CNTNAP5: variants seen among roughly 807,000 people sequenced by gnomAD.
CNTNAP5 encodes contactin-associated protein-like 5.
A neutral mutation model predicts 150.2 loss-of-function variants in CNTNAP5; 72 were observed. That is an observed-to-expected ratio of 0.48 (90% confidence interval 0.40 to 0.58). The LOEUF (loss-of-function observed/expected upper bound fraction) is 0.58, where lower values mean the gene tolerates loss of function less well. CNTNAP5 is among the 20% of genes least tolerant of loss of function. The pLI is 0.00. For missense variants in CNTNAP5, 1,636 were observed against 1,626.2 expected (o/e 1.01, Z -0.10); for synonymous variants, 672 against 619.8 (o/e 1.08, Z -1.25).
chr2:124,703,334 T>C (rs1007799836), intron 13 of CNTNAP5, among the ~76,000 whole-genome samples: 6 of 151,702 alleles, frequency 4.0e-5, no homozygotes, highest in African/African-American at 1.5e-4. Context: ...TATTTCTGGA[T>C]GTATCATAGC....
At position 124,047,008 on chromosome 2, in the gene CNTNAP5, C is replaced by T. The variant is rs140192358; in HGVS notation, c.82+21276C>T. Among the ~76,000 whole-genome samples, 9 of 152,196 alleles carry T rather than the reference C, an allele frequency of 5.9e-5. No individual in the cohort carries two copies. The South Asian group carries it at 1.0e-3, about 18-fold the overall frequency. Reference sequence around the variant, plus strand: ...AATTCCTAGAACAGCTTTGAGAGAGCGGCTTGTTCAAATGATCCATCTTAA... The same window carrying T: ...AATTCCTAGAACAGCTTTGAGAGAGTGGCTTGTTCAAATGATCCATCTTAA... On this transcript the variant is annotated intron_variant, in intron 1 of 23. Transcript: ENST00000682447.
intron 3 of CNTNAP5, among the ~76,000 whole-genome samples, chr2:124,345,700 G>A (rs1689721058): frequency 6.6e-6 from 1 of 152,090 alleles, no homozygotes; most frequent in Non-Finnish European, 1.5e-5. Flanking sequence ...TTGGAATAGA[G>A]AAGAAGAGAA....
intron 3 of CNTNAP5, among the ~76,000 whole-genome samples, chr2:124,399,718 T>C (rs1293861649): frequency 6.6e-6 from 1 of 152,172 alleles, no homozygotes; most frequent in Non-Finnish European, 1.5e-5. Flanking sequence ...CTTTCTGCGG[T>C]ATGGAATGGC....
chr2:124,604,479 G>T (rs1697057618), intron 11 of CNTNAP5, among the ~76,000 whole-genome samples: 1 of 152,026 alleles, frequency 6.6e-6, no homozygotes, highest in African/African-American at 2.4e-5. Flanking sequence ...TTACTTTGGG[G>T]CACCCTAGGG....
Position 124,408,020 on chromosome 2 carries a change from G to A in CNTNAP5, c.382-9423G>A, listed in dbSNP as rs190123136. ...CCAGACAGTGGGCGCAGGTCAGTGG[G>A]TGCGCGCACCGTACGCCAGCCGAAG... is the stretch of plus-strand genomic sequence containing the variant. On this transcript the variant is annotated intron_variant, in intron 3 of 23. Coordinates refer to ENST00000682447, the MANE Select transcript of CNTNAP5 (RefSeq NM_001367498.1). 9.7e-3 allele frequency among the ~76,000 whole-genome samples: 1,477 copies of A among 152,302 alleles called. 22 individuals are homozygous for A. Among genetic ancestry groups the A allele is most frequent in the African/African-American group, 0.034 (1,396 of 41,582 alleles).
intron 13 of CNTNAP5, among the ~76,000 whole-genome samples, chr2:124,712,242 A>G (rs776541001): frequency 7.9e-5 from 12 of 152,184 alleles, no homozygotes; most frequent in Non-Finnish European, 1.3e-4. Context: ...CATAATAATA[A>G]CTACAAATAA....
intron 19 of CNTNAP5, among the ~76,000 whole-genome samples, chr2:124,805,982 T>A (rs1004761370): frequency 1.3e-5 from 2 of 152,196 alleles, no homozygotes; most frequent in Middle Eastern, 3.2e-3. Context: ...CCTTTCCGAA[T>A]ACAGCCACAC....
intron 1 of CNTNAP5, among the ~76,000 whole-genome samples, chr2:124,159,341 G>A (rs1001286767): frequency 1.3e-5 from 2 of 152,140 alleles, no homozygotes; most frequent in Non-Finnish European, 2.9e-5. Flanking sequence ...GGCTTTGCAA[G>A]CCATATGGTG....
chr2:124,311,528 C>G (rs1688831660), intron 3 of CNTNAP5, among the ~76,000 whole-genome samples: 1 of 152,168 alleles, frequency 6.6e-6, no homozygotes, highest in African/African-American at 2.4e-5. Context: ...TACTAGGTCT[C>G]CACCCTTAAT....
At chr2:124,272,041 T>C (rs1010745507) in intron 3 of CNTNAP5, among the ~76,000 whole-genome samples, 1 of 152,204 alleles carries the variant, frequency 6.6e-6, no homozygotes, top group African/African-American at 2.4e-5. Flanking sequence ...AAATTTACTT[T>C]ATATATTTCT....
chr2:124,518,424 A>G (rs1301925723), intron 8 of CNTNAP5, among the ~76,000 whole-genome samples: 1 of 152,238 alleles, frequency 6.6e-6, no homozygotes, highest in Non-Finnish European at 1.5e-5. Context: ...TTCACAAAAT[A>G]ACAGAACTAA....
At chr2:124,581,470 A>G (rs1696410522) in intron 11 of CNTNAP5, among the ~76,000 whole-genome samples, 1 of 152,172 alleles carries the variant, frequency 6.6e-6, no homozygotes, top group Non-Finnish European at 1.5e-5. Context: ...AAGCTCTTTC[A>G]TTTTCAATTT....
Position 124,556,309 on chromosome 2 carries a change from A to G in CNTNAP5, c.1650-6908A>G, listed in dbSNP as rs149570847. On this transcript the variant is annotated intron_variant, in intron 10 of 23. Coordinates refer to ENST00000682447, the MANE Select transcript of CNTNAP5 (RefSeq NM_001367498.1). ...CAGGGGAAATAATACCATTAAAGCA[A>G]CATCCCAGATGTGATTGTGAGCACA... is the stretch of plus-strand genomic sequence containing the variant. Among the ~76,000 whole-genome samples the G allele has an allele frequency of 8.5e-5, 13 of 152,284 alleles. No individual in the cohort carries two copies. The East Asian group carries it at 2.5e-3, about 29-fold the overall frequency.
rs1683419172 is a variant in CNTNAP5, at chr2:124,115,920, G to A, written c.82+90188G>A. The stretch of plus-strand genomic sequence containing the variant: ...AGTCTCTCAAGGTGCTGGGATTACA[G>A]GCATCAGCCACCATGCTTATTTTAA... On this transcript the variant is annotated intron_variant, in intron 1 of 23. Transcript: ENST00000682447. Among the ~76,000 whole-genome samples the A allele has an allele frequency of 1.3e-5, 2 of 151,716 alleles. 1 individual carries two copies. Among genetic ancestry groups the A allele is most frequent in the South Asian group, 4.1e-4 (2 of 4,822 alleles).
intron 19 of CNTNAP5, among the ~76,000 whole-genome samples, chr2:124,815,018 G>A (rs188511418): frequency 1.1e-3 from 164 of 152,266 alleles, no homozygotes; most frequent in Middle Eastern, 3.4e-3. Flanking sequence ...TAGAGATGAA[G>A]TGCCTGCTAG....
intron 3 of CNTNAP5, among the ~76,000 whole-genome samples, chr2:124,397,708 T>C (rs1485686164): frequency 6.6e-6 from 1 of 152,202 alleles, no homozygotes; most frequent in Non-Finnish European, 1.5e-5. Context: ...ATGAATAGAC[T>C]AAGATTCTGA....
chr2:124,683,182 G>T (rs1170729592), intron 13 of CNTNAP5, among the ~76,000 whole-genome samples: 1 of 152,214 alleles, frequency 6.6e-6, no homozygotes, highest in East Asian at 1.9e-4. Context: ...TCAGCTGTTG[G>T]GGGAGCCGTG....
At chr2:124,385,268 G>GT (rs1690899613) in intron 3 of CNTNAP5, among the ~76,000 whole-genome samples, 1 of 152,082 alleles carries the variant, frequency 6.6e-6, no homozygotes, top group Non-Finnish European at 1.5e-5. Flanking sequence ...GAGAGAAAAC[G>GT]TATCATTATT....
intron 6 of CNTNAP5, among the ~76,000 whole-genome samples, chr2:124,465,822 T>C (rs1693364590): frequency 6.6e-6 from 1 of 152,104 alleles, no homozygotes; most frequent in African/African-American, 2.4e-5. Flanking sequence ...GTAAGTGAAT[T>C]ATATAGTAAG....
Sources: gnomAD v4.1 joint callset for allele counts (sites outside exome capture counted in the v4.1 genomes callset) on GRCh38, gnomAD v4.1.1 for gene constraint, MANE v1.5 for transcripts, NCBI Gene and HGNC (gene_info 2026-07-23, HGNC 2026-07-21) for gene names.